Variants in MYT1 observed in about 807,000 individuals in gnomAD.
The protein encoded by MYT1 is myelin transcription factor I.
In MYT1, 23 loss-of-function variants were observed where a neutral mutation model predicts 123.0. The ratio of observed to expected loss-of-function variants is 0.19; its 90% CI spans 0.13 to 0.26. The LOEUF is 0.26. MYT1 is among the 10% of genes least tolerant of loss of function. The probability of loss-of-function intolerance (pLI) is 1.00; values close to 1 mark genes in which losing one functional copy is unlikely to be tolerated. For missense variants in MYT1, 1,125 were observed against 1,472.5 expected (o/e 0.76, Z 3.86); for synonymous variants, 518 against 575.3 (o/e 0.90, Z 1.43).
intron 1 of MYT1, among the ~76,000 whole-genome samples, chr20:64,182,153 A>C (rs1320931039): frequency 6.6e-6 from 1 of 152,222 alleles, no homozygotes; most frequent in African/African-American, 2.4e-5. Context: ...AGCAGGAAAA[A>C]AGTTTTTTGT....
Position 64,204,443 on chromosome 20 carries a change from C to T in MYT1, c.87-592C>T, listed in dbSNP as rs568486630. On this transcript the variant is annotated intron_variant, in intron 4 of 22. Coordinates refer to ENST00000328439, the MANE Select transcript of MYT1 (RefSeq NM_004535.3). ...GTTCCTGGTTCACGGGCCCTCCCGG[C>T]TTCTTTTCCCTGCGTGGAAGCTGGG... Among the ~76,000 whole-genome samples the T allele has an allele frequency of 3.9e-5, 6 of 152,324 alleles. No individual in the cohort carries two copies. In the East Asian group the frequency reaches 1.2e-3, roughly 29 times the overall value.
In MYT1 at chr20:64,223,291, C is replaced by T; in HGVS notation, c.2460C>T (p.Ser820=). 6.2e-7 allele frequency: 1 copy of T among 1,614,190 alleles called. No individual in the cohort carries two copies. Among genetic ancestry groups the T allele is most frequent in the African/African-American group, 1.3e-5 (1 of 75,070 alleles). Reference sequence around the variant, plus strand: ...CAATATCCCATCTCTTCTCTTTCAGCCTCTCTGGTTGCCCTCTTGCTGACA... The same window carrying T: ...CAATATCCCATCTCTTCTCTTTCAGTCTCTCTGGTTGCCCTCTTGCTGACA... ...HITGNYASHR[S]LSGCPLADKS... Residue 820 remains serine, a splice_region_variant and synonymous_variant, in exon 16 of 23, where the codon AGC becomes AGT. Coordinates refer to ENST00000328439, the MANE Select transcript of MYT1 (RefSeq NM_004535.3).
intron 4 of MYT1, among the ~76,000 whole-genome samples, chr20:64,201,246 A>G (rs139011404): frequency 5.3e-5 from 8 of 152,318 alleles, no homozygotes; most frequent in African/African-American, 1.9e-4. Context: ...GTGACTCTCA[A>G]ATAGATTTGT....
At chr20:64,228,132 C>A in intron 18 of MYT1, 161 bp downstream of exon 18, 1 of 675,514 alleles carries the variant, frequency 1.5e-6, no homozygotes, top group Admixed American at 2.7e-5. Flanking sequence ...TATGGAAGCT[C>A]TCATACGCTA....
chr20:64,170,889 A>AAT (rs1188682739), intron 1 of MYT1, among the ~76,000 whole-genome samples: 17 of 36,658 alleles, frequency 4.6e-4, no homozygotes, highest in African/African-American at 2.1e-3. Context: ...ATATATAGAG[A>AAT]GAGAGAGAGA....
chr20:64,188,572 C>G (rs1293887218), intron 1 of MYT1, among the ~76,000 whole-genome samples: 5 of 152,182 alleles, frequency 3.3e-5, no homozygotes, highest in Non-Finnish European at 7.3e-5. Flanking sequence ...GTGAAGCACA[C>G]TCCCCGGCTG....
chr20:64,195,680 G>GC (rs1176724364), intron 2 of MYT1, among the ~76,000 whole-genome samples: 2 of 152,122 alleles, frequency 1.3e-5, no homozygotes, highest in Non-Finnish European at 2.9e-5. Context: ...ACAGACGTGA[G>GC]CCACCGTGCC....
intron 6 of MYT1, among the ~76,000 whole-genome samples, chr20:64,206,403 T>C (rs941676495): frequency 1.3e-5 from 2 of 152,170 alleles, no homozygotes; most frequent in Admixed American, 1.3e-4. Context: ...GACTGCCATG[T>C]TGGAGCTCCT....
At position 64,232,028 on chromosome 20, in the gene MYT1, G is replaced by A. The variant is rs928325110; in HGVS notation, c.2676-136G>A. 1 of 814,284 alleles carries A rather than the reference G, an allele frequency of 1.2e-6. No homozygotes were observed. Among genetic ancestry groups the A allele is most frequent in the Non-Finnish European group, 1.9e-6 (1 of 517,822 alleles). 50.4% of individuals were successfully genotyped at this position (814,284 alleles called of 1,614,324 possible). On this transcript the variant is annotated intron_variant, in intron 18 of 22. Transcript: ENST00000328439. This position sits in a 1 kb window ranked among gnomAD's most constrained non-coding sequence, Gnocchi z 6.9. The stretch of plus-strand genomic sequence containing the variant: ...TCTTCCCTGAGGCTCCAGGACCTCA[G>A]CGGCCCTCCCTGCCTCACTCAGAAG...
rs768185094 is a variant in MYT1, at chr20:64,199,848, A to G, written c.56-44A>G. The G allele has an allele frequency of 4.4e-6, 7 of 1,608,010 alleles. No homozygotes were observed. The South Asian group carries it at 7.7e-5, about 18-fold the overall frequency. ...GCTGTTAGGGCAATGAGCCTTTAAAATCACAATTCCCACATGTTTTCCCTG... is the reference window on the plus strand; with the variant it reads ...GCTGTTAGGGCAATGAGCCTTTAAAGTCACAATTCCCACATGTTTTCCCTG... On this transcript the variant is annotated intron_variant, in intron 3 of 22. Coordinates refer to ENST00000328439, the MANE Select transcript of MYT1 (RefSeq NM_004535.3).
At chr20:64,239,555 A>G (rs1208180438) in intron 21 of MYT1, among the ~76,000 whole-genome samples, 1 of 151,988 alleles carries the variant, frequency 6.6e-6, no homozygotes, top group Admixed American at 6.6e-5. Flanking sequence ...GAGTCAGCCC[A>G]TGTCTCCAGA....
intron 2 of MYT1, among the ~76,000 whole-genome samples, chr20:64,194,775 C>T (rs533504257): frequency 6.6e-6 from 1 of 152,346 alleles, no homozygotes; most frequent in East Asian, 1.9e-4. Context: ...GAAGTTGGCA[C>T]AAAGCCCGTT....
intron 19 of MYT1, among the ~76,000 whole-genome samples, chr20:64,235,126 G>C (rs370744863): frequency 6.9e-6 from 1 of 145,438 alleles, no homozygotes; most frequent in African/African-American, 2.6e-5. Context: ...GGATGGTCAT[G>C]ATGGGTGACC....
chr20:64,183,426 T>G (rs1569307257), intron 1 of MYT1, among the ~76,000 whole-genome samples: 4 of 152,268 alleles, frequency 2.6e-5, no homozygotes, highest in Admixed American at 2.0e-4. Context: ...AACTCTATGT[T>G]GAACATTTTG....
rs377464140 is a variant in MYT1 at position 64,207,968 on chromosome 20, G to C, written c.772G>C (p.Glu258Gln). 3.7e-6 allele frequency: 6 copies of C among 1,607,438 alleles called. No homozygotes were observed. Among genetic ancestry groups the C allele is most frequent in the Non-Finnish European group, 5.1e-6 (6 of 1,177,358 alleles). The change falls in exon 7 of 23, where the codon GAA becomes CAA. Residue 258 changes from glutamate (E) to glutamine (Q), a missense_variant. This residue lies in a region of MYT1 where 406 missense variants were observed against 432.2 expected (regional missense o/e 0.94). Coordinates refer to ENST00000328439, the MANE Select transcript of MYT1 (RefSeq NM_004535.3). ...CAAGCAGAAAGGCATCCTGAGTCAC[G>C]AAGAGGAGGACGAGGAGGAGGAGGA... The part of the protein sequence containing the change: ...SSKQKGILSH[E>Q]EEDEEEEEEE...
chr20:64,179,537 T>G (rs1982577865), intron 1 of MYT1, among the ~76,000 whole-genome samples: 1 of 152,194 alleles, frequency 6.6e-6, no homozygotes, highest in Non-Finnish European at 1.5e-5. Flanking sequence ...TTGATGGATA[T>G]CTCTATAGAC....
intron 1 of MYT1, among the ~76,000 whole-genome samples, chr20:64,180,544 C>T (rs755116535): frequency 6.6e-6 from 1 of 152,234 alleles, no homozygotes; most frequent in Non-Finnish European, 1.5e-5. Context: ...GACAGCCCCA[C>T]CCTCTGTTCT....
intron 21 of MYT1, among the ~76,000 whole-genome samples, chr20:64,238,605 GAGA>G (rs886569292): frequency 6.6e-6 from 1 of 152,160 alleles, no homozygotes. Context: ...AGTGACGACA[GAGA>G]AGGAGTGATG....
In MYT1 at chr20:64,219,720, A is replaced by G. The variant is rs1305001142; in HGVS notation, c.1979A>G (p.Asp660Gly). 6.2e-7 allele frequency: 1 copy of G among 1,610,880 alleles called. No individual in the cohort carries two copies. The highest frequency in any genetic ancestry group is 1.3e-5 in the African/African-American group (1 of 75,010). Reference protein sequence around the residue: ...KPQDLPSKSVDIEVDENGTLD... With the variant: ...KPQDLPSKSVGIEVDENGTLD... ...TCACCTTTGCCATTGCAGTCTGTGG[A>G]TATCGAGGTAGACGAAAATGGAACC... Residue 660 changes from aspartate to glycine, a missense_variant, in exon 13 of 23, where the codon GAT becomes GGT. Physicochemically the swap from Asp to Gly is moderately conservative, Grantham distance 94 (BLOSUM62 -1). Transcript: ENST00000328439.
Sources: gnomAD v4.1 joint callset for allele counts (sites outside exome capture counted in the v4.1 genomes callset) on GRCh38, gnomAD v4.1.1 for gene constraint, gnomAD v4.1.1 regional missense constraint, Gnocchi (gnomAD v3.1) non-coding constraint, MANE v1.5 for transcripts, NCBI Gene and HGNC (gene_info 2026-07-23, HGNC 2026-07-21) for gene names.